MAST2: variants seen among roughly 807,000 people sequenced by gnomAD.
MAST2 encodes the protein microtubule-associated serine/threonine-protein kinase 2.
In MAST2, 70 loss-of-function variants were observed where a neutral mutation model predicts 147.4. That is an observed-to-expected ratio of 0.47 (90% CI 0.39 to 0.58). The LOEUF (loss-of-function observed/expected upper bound fraction) is 0.58. Ranked by LOEUF, MAST2 falls within the 20% of genes least tolerant of loss-of-function variation. MAST2 has a pLI of 0.00. For synonymous variants in MAST2, 869 were observed against 896.8 expected, an observed-to-expected ratio of 0.97 and a Z score of 0.55; for missense variants, 2,080 against 2,302.3, an observed-to-expected ratio of 0.90 and a Z score of 1.98.
chr1:45,824,723 T>A, intron 2 of MAST2, 143 bp downstream of exon 2: 1 of 800,580 alleles, frequency 1.2e-6, no homozygotes, highest in East Asian at 2.8e-5. Context: ...TGTCTTCCTC[T>A]CCTTACTTCT....
At chr1:45,867,281 G>C (rs183044985) in intron 3 of MAST2, among the ~76,000 whole-genome samples, 1 of 152,320 alleles carries the variant, frequency 6.6e-6, no homozygotes, top group East Asian at 1.9e-4. Context: ...GGTAACCTCA[G>C]ATTTGAAGGT....
At chr1:46,028,616 T>G in intron 17 of MAST2, 152 bp from the exon 18 acceptor site, 1 of 745,610 alleles carries the variant, frequency 1.3e-6, no homozygotes, top group Non-Finnish European at 2.2e-6. Flanking sequence ...TCTTGTTCCC[T>G]GGGGCTTCTG....
In MAST2 at chr1:45,841,328, C is replaced by G. The variant is rs752836482; in HGVS notation, c.468+11747C>G. On this transcript the variant is annotated intron_variant, in intron 3 of 28. Coordinates refer to ENST00000361297, the MANE Select transcript of MAST2 (RefSeq NM_015112.3). ...CAGGTTTGTCATTTAACAATATGAA[C>G]AAAATGTATATATTTTTTTCTTTTT... 3.0e-4 allele frequency among the ~76,000 whole-genome samples: 45 copies of G among 152,052 alleles called. 1 individual carries two copies. In the Middle Eastern group the frequency reaches 0.034, roughly 115 times the overall value.
At chr1:45,858,747 G>A (rs1208510466) in intron 3 of MAST2, among the ~76,000 whole-genome samples, 1 of 150,770 alleles carries the variant, frequency 6.6e-6, no homozygotes, top group Non-Finnish European at 1.5e-5. Context: ...ATGGTTTTAG[G>A]TCTAACATTT....
At chr1:45,874,558 C>T (rs1464783769) in intron 3 of MAST2, among the ~76,000 whole-genome samples, 1 of 152,160 alleles carries the variant, frequency 6.6e-6, no homozygotes, top group African/African-American at 2.4e-5. Context: ...CAATGCAACT[C>T]CAAACTGGTA....
intron 3 of MAST2, among the ~76,000 whole-genome samples, chr1:45,869,276 G>T (rs1216334307): frequency 2.0e-5 from 3 of 152,166 alleles, no homozygotes; most frequent in Non-Finnish European, 4.4e-5. Flanking sequence ...TCCAGCCTCA[G>T]ATCTTTAGAG....
intron 4 of MAST2, among the ~76,000 whole-genome samples, chr1:45,943,516 A>T (rs1364764467): frequency 6.6e-6 from 1 of 152,214 alleles, no homozygotes; most frequent in African/African-American, 2.4e-5. Flanking sequence ...AAAGATGCTT[A>T]TGAAACTTAT....
rs35794621 is a variant in MAST2, at chr1:45,942,146, CTT to C, written c.501-17226_501-17225del. Among the ~76,000 whole-genome samples the C allele has an allele frequency of 1.7e-3, 238 of 143,290 alleles. 1 individual carries two copies. Among genetic ancestry groups the C allele is most frequent in the Middle Eastern group, 3.7e-3 (1 of 272 alleles). 94.0% of individuals were successfully genotyped at this position (143,290 alleles called of 152,430 possible). A position where few individuals can be genotyped will look rare whatever the true frequency, so the allele number is the denominator to read the frequency against. ...TGTCCAGCTTGATTGTAGTGGGTTTCTTTTTTTTTTTTTTTAACTGAACCAGC... is the reference window on the plus strand; with the variant it reads ...TGTCCAGCTTGATTGTAGTGGGTTTCTTTTTTTTTTTTTAACTGAACCAGC... On this transcript the variant is annotated intron_variant, in intron 4 of 28. Transcript: ENST00000361297.
chr1:45,943,655 A>T (rs546227961), intron 4 of MAST2, among the ~76,000 whole-genome samples: 5 of 152,322 alleles, frequency 3.3e-5, no homozygotes, highest in African/African-American at 1.2e-4. Context: ...CTGAGGCAGG[A>T]GAATCGCTTG....
chr1:45,880,545 A>AT (rs1165375202), intron 3 of MAST2, among the ~76,000 whole-genome samples: 1 of 152,220 alleles, frequency 6.6e-6, no homozygotes, highest in Non-Finnish European at 1.5e-5. Context: ...AGATTAAGTA[A>AT]TTTAAGATTT....
At chr1:45,985,416 A>T (rs761210839) in intron 5 of MAST2, among the ~76,000 whole-genome samples, 2 of 152,180 alleles carry the variant, frequency 1.3e-5, no homozygotes, top group African/African-American at 2.4e-5. Context: ...ATGTATACAC[A>T]TCTGTGCAGC....
At chr1:45,941,415 G>A (rs1657248732) in intron 4 of MAST2, among the ~76,000 whole-genome samples, 1 of 151,920 alleles carries the variant, frequency 6.6e-6, no homozygotes, top group Admixed American at 6.6e-5. Flanking sequence ...GCCTGCCACT[G>A]CGCCTAGCTA....
intron 4 of MAST2, among the ~76,000 whole-genome samples, chr1:45,915,428 C>T (rs1652327824): frequency 1.3e-5 from 2 of 152,102 alleles, no homozygotes; most frequent in East Asian, 1.9e-4. Flanking sequence ...TGAAATTTGC[C>T]GGCCAGGCGC....
At chr1:45,857,850 G>GTTTTTTTTTTTTTTTTTTTTTTTTTTT (rs35371770) in intron 3 of MAST2, among the ~76,000 whole-genome samples, 1 of 66,572 alleles carries the variant, frequency 1.5e-5, no homozygotes, top group Non-Finnish European at 2.7e-5. Flanking sequence ...AACATGCGGT[G>GTTTTTTTTTTTTTTTTTTTTTTTTTTT]TTTTTTTTTT....
intron 5 of MAST2, among the ~76,000 whole-genome samples, chr1:45,967,564 T>C (rs1256259121): frequency 2.6e-5 from 4 of 152,194 alleles, no homozygotes; most frequent in Non-Finnish European, 5.9e-5. Flanking sequence ...TACTTACTGT[T>C]CATTAATTGG....
chr1:46,024,068 T>C (rs1203844138), intron 15 of MAST2, 88 bp downstream of exon 15: 15 of 1,336,562 alleles, frequency 1.1e-5, no homozygotes, highest in Non-Finnish European at 1.6e-5. Context: ...TGTACAGAGG[T>C]GAAGTTTCAG....
chr1:45,974,060 A>G (rs1303605568), intron 5 of MAST2, among the ~76,000 whole-genome samples: 1 of 152,266 alleles, frequency 6.6e-6, no homozygotes, highest in Non-Finnish European at 1.5e-5. Context: ...AACAGTGTCT[A>G]TGTACATACA....
intron 3 of MAST2, among the ~76,000 whole-genome samples, chr1:45,830,545 G>A (rs1026099050): frequency 1.3e-5 from 2 of 152,134 alleles, no homozygotes; most frequent in Non-Finnish European, 2.9e-5. Context: ...GAGGGTCAAG[G>A]AAAAGATTCT....
intron 24 of MAST2, 107 bp from the exon 25 acceptor site, chr1:46,032,071 A>T: frequency 1.2e-6 from 1 of 854,538 alleles, no homozygotes; most frequent in Non-Finnish European, 1.9e-6. Flanking sequence ...AAATGGACCT[A>T]GGCTCAGGCT....
Sources: gnomAD v4.1 joint callset for allele counts (sites outside exome capture counted in the v4.1 genomes callset) on GRCh38, gnomAD v4.1.1 for gene constraint, MANE v1.5 for transcripts, NCBI Gene and HGNC (gene_info 2026-07-23, HGNC 2026-07-21) for gene names.